Variants in TMIGD3 observed in about 807,000 individuals in gnomAD.
The protein encoded by TMIGD3 is transmembrane and immunoglobulin domain containing 3, also known as AD026 protein (AD026).
In TMIGD3, 21 loss-of-function variants were observed where a neutral mutation model predicts 28.1. That is an observed-to-expected ratio of 0.75 (90% CI 0.53 to 1.08). The LOEUF (loss-of-function observed/expected upper bound fraction) is 1.08. Among genes scored for constraint, TMIGD3 ranks in the 50% least tolerant of loss-of-function variants. The pLI is 0.00. For missense variants in TMIGD3, 416 were observed against 435.6 expected, an observed-to-expected ratio of 0.96 and a Z score of 0.40; for synonymous variants, 151 against 162.1, an observed-to-expected ratio of 0.93 and a Z score of 0.52.
At position 111,503,064 on chromosome 1, in the gene TMIGD3, G is replaced by T. The variant is rs146743726; in HGVS notation, c.291C>A (p.Ser97=). 214 of 1,614,104 alleles carry T rather than the reference G, an allele frequency of 1.3e-4. No homozygotes were observed. The highest frequency in any genetic ancestry group is 1.7e-4 in the Non-Finnish European group (203 of 1,180,060). ...TCLLLIFTHA[S]IMSLLAIAVD... ...CAGCGATGGCCAGCAAGGACATGAT[G>T]GAGGCGTGGGTAAAGATAAGCAGTA... Residue 97 remains serine (S), a synonymous_variant, in exon 1 of 6, where the codon TCC becomes TCA. Coordinates refer to ENST00000369716, the MANE Select transcript of TMIGD3 (RefSeq NM_020683.7).
chr1:111,502,109 A>ATAAATATATAGGATATATATAT lies in TMIGD3; in HGVS notation c.350+895_350+896insATATATATATCCTATATATTTA, dbSNP rs1655221546. Among the ~76,000 whole-genome samples the ATAAATATATAGGATATATATAT allele has an allele frequency of 1.4e-3, 43 of 30,038 alleles. 1 individual carries two copies. The highest frequency in any genetic ancestry group is 3.1e-3 in the African/African-American group (41 of 13,096). 19.7% of individuals were successfully genotyped at this position (30,038 alleles called of 152,430 possible). A position where few individuals can be genotyped will look rare whatever the true frequency, so the allele number is the denominator to read the frequency against. The stretch of plus-strand genomic sequence containing the variant: ...AATATATATAGGAGATATATATTTA[A>ATAAATATATAGGATATATATAT]TATAATAAATATATAGGATATATAT... On this transcript the variant is annotated intron_variant, in intron 1 of 5. Transcript: ENST00000369716.
chr1:111,557,342 A>T (rs1471111471), intron 1 of TMIGD3, among the ~76,000 whole-genome samples: 3 of 152,154 alleles, frequency 2.0e-5, no homozygotes, highest in African/African-American at 7.2e-5. Context: ...AGGTGAGGAG[A>T]TCAAGACCAT....
intron 1 of TMIGD3, among the ~76,000 whole-genome samples, chr1:111,509,999 A>T (rs1482191152): frequency 6.6e-6 from 1 of 152,264 alleles, no homozygotes; most frequent in Non-Finnish European, 1.5e-5. Flanking sequence ...ACACAAAAAC[A>T]GTCCAATATC....
intron 1 of TMIGD3, among the ~76,000 whole-genome samples, chr1:111,495,356 G>T (rs1466990674): frequency 3.3e-5 from 5 of 152,292 alleles, no homozygotes; most frequent in Middle Eastern, 3.4e-3. Context: ...AACAGCATGT[G>T]AAGAAAAGCT....
intron 1 of TMIGD3, among the ~76,000 whole-genome samples, chr1:111,516,013 C>A (rs1571428918): frequency 1.3e-5 from 2 of 152,350 alleles, no homozygotes; most frequent in Admixed American, 6.5e-5. Flanking sequence ...AAGGACTCAT[C>A]TGAGGCGAGT....
intron 1 of TMIGD3, among the ~76,000 whole-genome samples, chr1:111,497,331 C>T (rs1272453212): frequency 1.3e-5 from 2 of 152,020 alleles, no homozygotes; most frequent in Non-Finnish European, 2.9e-5. Flanking sequence ...AGGATGGTCT[C>T]GATCTCCTGA....
At chr1:111,555,908 A>T (rs1657470293) in intron 1 of TMIGD3, among the ~76,000 whole-genome samples, 1 of 152,226 alleles carries the variant, frequency 6.6e-6, no homozygotes, top group Non-Finnish European at 1.5e-5. Flanking sequence ...AAAAAAATCG[A>T]TAAATTGAAC....
At chr1:111,507,473 G>A (rs146093832), upstream of TMIGD3, among the ~76,000 whole-genome samples, 1,157 of 152,248 alleles carry the variant, frequency 7.6e-3, 17 homozygotes, top group African/African-American at 0.026. Context: ...TGCCCTTGGG[G>A]TTCCGCTTAA....
intron 1 of TMIGD3, among the ~76,000 whole-genome samples, chr1:111,527,170 C>G (rs1322844995): frequency 2.0e-5 from 3 of 151,884 alleles, no homozygotes; most frequent in Non-Finnish European, 4.4e-5. Flanking sequence ...GCCACCACAC[C>G]CAGATAATTT....
rs933709132 is a variant in TMIGD3 at position 111,490,636 on chromosome 1, T to C, written c.457+20A>G. On this transcript the variant is annotated intron_variant, in intron 2 of 5. Coordinates refer to ENST00000369716, the MANE Select transcript of TMIGD3 (RefSeq NM_020683.7). ...AGGCCACAGCTTAAAGGGCTGGAGC[T>C]GTTCCGTCCCCCATCCTACCTGAAA... 6.3e-7 allele frequency: 1 copy of C among 1,576,198 alleles called. No homozygotes were observed. The highest frequency in any genetic ancestry group is 1.3e-5 in the African/African-American group (1 of 74,074).
At chr1:111,537,006 A>G (rs1256805338) in intron 1 of TMIGD3, among the ~76,000 whole-genome samples, 3 of 152,188 alleles carry the variant, frequency 2.0e-5, no homozygotes, top group African/African-American at 7.2e-5. Context: ...GTACTTAGCA[A>G]TTCAGGTTCA....
intron 1 of TMIGD3, among the ~76,000 whole-genome samples, chr1:111,526,096 T>A (rs1273556996): frequency 6.6e-6 from 1 of 152,196 alleles, no homozygotes; most frequent in Non-Finnish European, 1.5e-5. Context: ...GAATACTTTT[T>A]AAAAATATAC....
intron 1 of TMIGD3, among the ~76,000 whole-genome samples, chr1:111,549,309 C>CTTTTTTTTT (rs767231547): frequency 2.4e-5 from 3 of 125,612 alleles, no homozygotes; most frequent in Admixed American, 7.9e-5. Flanking sequence ...CAGTCATGGG[C>CTTTTTTTTT]TTTTTTTTTT....
At chr1:111,501,578 G>A (rs980073343) in intron 1 of TMIGD3, among the ~76,000 whole-genome samples, 6 of 152,186 alleles carry the variant, frequency 3.9e-5, no homozygotes, top group African/African-American at 1.4e-4. Context: ...TTCATTTTAT[G>A]AGGATAGTGC....
intron 1 of TMIGD3, among the ~76,000 whole-genome samples, chr1:111,539,029 C>T (rs1189933083): frequency 6.6e-6 from 1 of 152,162 alleles, no homozygotes; most frequent in East Asian, 1.9e-4. Context: ...TAGTGATATC[C>T]CAGCCTTAGC....
chr1:111,536,492 T>G (rs1656643508), intron 1 of TMIGD3, among the ~76,000 whole-genome samples: 2 of 152,150 alleles, frequency 1.3e-5, no homozygotes, highest in Admixed American at 1.3e-4. Context: ...ATGATTACGA[T>G]AAATTGCTGT....
chr1:111,559,130 T>C (rs1008591324), intron 1 of TMIGD3, among the ~76,000 whole-genome samples: 4 of 152,140 alleles, frequency 2.6e-5, no homozygotes, highest in Admixed American at 6.5e-5. Context: ...GACTAAGTGA[T>C]AAATAATAAT....
chr1:111,550,922 A>G (rs1033151902), intron 1 of TMIGD3, among the ~76,000 whole-genome samples: 8 of 152,214 alleles, frequency 5.3e-5, no homozygotes, highest in Non-Finnish European at 1.0e-4. Flanking sequence ...TTAGATGTGT[A>G]CATGTTTATC....
chr1:111,504,189 A>G, upstream of TMIGD3: 1 of 934,028 alleles, frequency 1.1e-6, no homozygotes. Context: ...TCTGAGAAGC[A>G]TCACACCTGC....
Sources: gnomAD v4.1 joint callset for allele counts (sites outside exome capture counted in the v4.1 genomes callset) on GRCh38, gnomAD v4.1.1 for gene constraint, MANE v1.5 for transcripts, NCBI Gene and HGNC (gene_info 2026-07-23, HGNC 2026-07-21) for gene names.